NEK6: variants seen among roughly 807,000 people sequenced by gnomAD.
The protein encoded by NEK6 is NIMA related kinase 6.
In NEK6, 27 loss-of-function variants were observed where a neutral mutation model predicts 43.5. The observed-to-expected ratio is 0.62, with a 90% CI of 0.46 to 0.86. The LOEUF (loss-of-function observed/expected upper bound fraction) is 0.86, where lower values mean the gene tolerates loss of function less well. Ranked by LOEUF, NEK6 falls within the 40% of genes least tolerant of loss-of-function variation. The pLI, the probability that NEK6 is intolerant of heterozygous loss-of-function variation, is 0.00. For synonymous variants in NEK6, 167 were observed against 164.1 expected, an observed-to-expected ratio of 1.02 and a Z score of -0.14; for missense variants, 318 against 414.4, an observed-to-expected ratio of 0.77 and a Z score of 2.02.
In NEK6 at chr9:124,343,675, C is replaced by T. The variant is rs1011986207; in HGVS notation, c.717+4010C>T. On this transcript the variant is annotated intron_variant, in intron 8 of 9. Coordinates refer to ENST00000320246, the MANE Select transcript of NEK6 (RefSeq NM_014397.6). This position sits in a 1 kb window ranked among gnomAD's most constrained non-coding sequence, Gnocchi z 5.1. ...ACGCCCGGAGCCTCCCGCCCCACAG[C>T]CTGTGGTGTCTTCCAGGGGCACCAG... is the stretch of plus-strand genomic sequence containing the variant. 6.6e-6 allele frequency among the ~76,000 whole-genome samples: 1 copy of T among 152,232 alleles called. No homozygotes were observed. Among genetic ancestry groups the T allele is most frequent in the African/African-American group, 2.4e-5 (1 of 41,462 alleles).
In NEK6 at chr9:124,292,462, G is replaced by C. The variant is rs12682747; in HGVS notation, c.-29-9474G>C. 16 of 1,536,932 alleles carry C rather than the reference G, an allele frequency of 1.0e-5. No individual in the cohort carries two copies. In the African/African-American group the frequency reaches 1.9e-4, roughly 18 times the overall value. On this transcript the variant is annotated intron_variant, in intron 1 of 9. Transcript: ENST00000320246. ...TGCCTGTGGGAAGGAGAGAAAATTA[G>C]GGGAGGCCACGGGCTTGAAAGCTTT...
Position 124,324,516 on chromosome 9 carries a change from A to G in NEK6, c.406-1814A>G, listed in dbSNP as rs1405220934. ...CCGCTAAATGTCAGACAGCGCTTAT[A>G]GGACATGACATTTAGAAAATCACCA... On this transcript the variant is annotated intron_variant, in intron 5 of 9. Transcript: ENST00000320246. This position sits in a 1 kb window ranked among gnomAD's most constrained non-coding sequence, Gnocchi z 5.3. Among the ~76,000 whole-genome samples, 4 of 152,326 alleles carry G rather than the reference A, an allele frequency of 2.6e-5. No individual in the cohort carries two copies. The East Asian group carries it at 7.7e-4, about 29-fold the overall frequency.
intron 1 of NEK6, among the ~76,000 whole-genome samples, chr9:124,283,118 G>C (rs937279332): frequency 1.3e-5 from 2 of 152,230 alleles, no homozygotes; most frequent in Admixed American, 1.3e-4. Context: ...GAGTCCCAGA[G>C]CCCTGCTGAG....
intron 8 of NEK6, among the ~76,000 whole-genome samples, chr9:124,342,813 TC>T (rs1434324964): frequency 7.0e-6 from 1 of 143,628 alleles, no homozygotes; most frequent in Non-Finnish European, 1.5e-5. Context: ...CCATGGGCTC[TC>T]CACACATAAA....
At position 124,326,202 on chromosome 9, in the gene NEK6, T is replaced by TCTCCC; in HGVS notation, c.406-127_406-126insTCCCC. 2 of 124,052 alleles carry TCTCCC rather than the reference T, an allele frequency of 1.6e-5. No individual in the cohort carries two copies. The highest frequency in any genetic ancestry group is 2.0e-5 in the Non-Finnish European group (1 of 50,618). 7.7% of individuals were successfully genotyped at this position (124,052 alleles called of 1,614,324 possible). ...GCTTATTGTTTGCTCAGTGGCTCAA[T>TCTCCC]CCCCCCCCCCCGCCCCTGCCAGGCA... On this transcript the variant is annotated intron_variant, in intron 5 of 9. Transcript: ENST00000320246. The surrounding 1 kb of genome is among the most constrained non-coding windows in gnomAD (Gnocchi z 4.5).
intron 4 of NEK6, among the ~76,000 whole-genome samples, chr9:124,320,554 C>T (rs1236925332): frequency 2.0e-5 from 3 of 152,194 alleles, no homozygotes; most frequent in Non-Finnish European, 2.9e-5. Flanking sequence ...GCAGGATATT[C>T]GAGTCCCCTC....
Position 124,312,617 on chromosome 9 carries a change from G to A in NEK6, c.199G>A (p.Asp67Asn). 1 of 1,613,772 alleles carries A rather than the reference G, an allele frequency of 6.2e-7. No homozygotes were observed. Among genetic ancestry groups the A allele is most frequent in the Non-Finnish European group, 8.5e-7 (1 of 1,179,696 alleles). Reference protein sequence around the residue: ...SEVYKATCLLDRKTVALKKVQ... With the variant: ...SEVYKATCLLNRKTVALKKVQ... ...GGTGTACAAGGCCACCTGCCTGCTG[G>A]ACAGGAAGACAGTGGCTCTGAAGAA... The change falls in exon 3 of 10, where the codon GAC (aspartate) becomes AAC (asparagine). Residue 67 changes from aspartate (D) to asparagine (N), a missense_variant. Asp to Asn is a conservative substitution (Grantham distance 23, BLOSUM62 1). Coordinates refer to ENST00000320246, the MANE Select transcript of NEK6 (RefSeq NM_014397.6).
At chr9:124,271,074 G>A (rs1408566888) in intron 1 of NEK6, among the ~76,000 whole-genome samples, 1 of 152,248 alleles carries the variant, frequency 6.6e-6, no homozygotes, top group African/African-American at 2.4e-5. Context: ...TCTGCAGACT[G>A]CTGGCCCAGC....
intron 1 of NEK6, chr9:124,259,435 G>T (rs1239591844): frequency 6.6e-6 from 1 of 152,138 alleles, no homozygotes; most frequent in African/African-American, 2.4e-5. Context: ...AGCGAGTTTG[G>T]ACTCAGCGAG....
intron 8 of NEK6, among the ~76,000 whole-genome samples, chr9:124,344,549 G>T (rs1288478035): frequency 1.3e-5 from 2 of 152,238 alleles, no homozygotes; most frequent in South Asian, 4.1e-4. Flanking sequence ...AGGCGGTGGG[G>T]AGCCCCCGGT....
chr9:124,326,529 C>T lies in NEK6; in HGVS notation c.514+91C>T. ...TCCTCCAGGGTCCTCAGGGGCAGCC[C>T]CTTGAGGAAGTTGGACCGCTCTGTA... is the stretch of plus-strand genomic sequence containing the variant. On this transcript the variant is annotated intron_variant, in intron 6 of 9. Coordinates refer to ENST00000320246, the MANE Select transcript of NEK6 (RefSeq NM_014397.6). This position sits in a 1 kb window ranked among gnomAD's most constrained non-coding sequence, Gnocchi z 4.5. The T allele has an allele frequency of 1.0e-6, 1 of 971,896 alleles. No individual in the cohort carries two copies. Among genetic ancestry groups the T allele is most frequent in the Non-Finnish European group, 1.6e-6 (1 of 620,802 alleles). The allele number at this position is 971,896 out of a possible 1,614,324, so 60.2% of individuals were successfully genotyped here.
At position 124,294,645 on chromosome 9, in the gene NEK6, G is replaced by A. The variant is rs1832593797; in HGVS notation, c.-29-7291G>A. On this transcript the variant is annotated intron_variant, in intron 1 of 9. Transcript: ENST00000320246. Reference sequence around the variant, plus strand: ...AAGGACCAGGGTGCTGTGTTGCTGGGGAGGGGGACCGCTCATTTAATATGG... The same window carrying A: ...AAGGACCAGGGTGCTGTGTTGCTGGAGAGGGGGACCGCTCATTTAATATGG... 2.6e-5 allele frequency among the ~76,000 whole-genome samples: 4 copies of A among 152,184 alleles called. No homozygotes were observed. In the South Asian group the frequency reaches 8.3e-4, roughly 32 times the overall value.
intron 1 of NEK6, among the ~76,000 whole-genome samples, chr9:124,285,332 T>G (rs1240820266): frequency 6.6e-6 from 1 of 152,084 alleles, no homozygotes; most frequent in Non-Finnish European, 1.5e-5. Context: ...GAATAGATGT[T>G]TTTCTCACTC....
chr9:124,339,615 G>A lies in NEK6; in HGVS notation c.667G>A (p.Gly223Ser). Reference sequence around the variant, plus strand: ...GTCACCGGAGAGGATCCATGAGAACGGCTACAACTTCAAGTCCGACATCTG... The same window carrying A: ...GTCACCGGAGAGGATCCATGAGAACAGCTACAACTTCAAGTCCGACATCTG... ...YMSPERIHEN[G>S]YNFKSDIWSL... The change falls in exon 8 of 10, where the codon GGC becomes AGC. Residue 223 changes from glycine (G) to serine (S), a missense_variant. Coordinates refer to ENST00000320246, the MANE Select transcript of NEK6 (RefSeq NM_014397.6). 4 of 1,614,104 alleles carry A rather than the reference G, an allele frequency of 2.5e-6. No individual in the cohort carries two copies. Among genetic ancestry groups the A allele is most frequent in the South Asian group, 1.1e-5 (1 of 91,068 alleles).
intron 1 of NEK6, chr9:124,263,039 T>G (rs900664328): frequency 1.3e-5 from 2 of 152,194 alleles, no homozygotes; most frequent in Non-Finnish European, 1.5e-5. Flanking sequence ...GTATGGGAAT[T>G]AGTCCACAGG....
intron 7 of NEK6, among the ~76,000 whole-genome samples, chr9:124,332,642 A>G (rs1223420440): frequency 1.3e-5 from 2 of 152,226 alleles, no homozygotes; most frequent in Admixed American, 6.5e-5. Flanking sequence ...TGCAGACACC[A>G]GCCTCCCCTT....
At chr9:124,310,771 G>A (rs1193064062) in intron 2 of NEK6, among the ~76,000 whole-genome samples, 1 of 151,906 alleles carries the variant, frequency 6.6e-6, no homozygotes, top group African/African-American at 2.4e-5. Flanking sequence ...GCTAATTTTT[G>A]TGTTTTTACA....
intron 1 of NEK6, among the ~76,000 whole-genome samples, chr9:124,280,885 T>C (rs1243207931): frequency 6.6e-6 from 1 of 152,116 alleles, no homozygotes; most frequent in Non-Finnish European, 1.5e-5. Context: ...CTTGACTTCC[T>C]GGGCTCAAGG....
chr9:124,269,862 T>C (rs1441687037), intron 1 of NEK6, among the ~76,000 whole-genome samples: 1 of 152,194 alleles, frequency 6.6e-6, no homozygotes, highest in African/African-American at 2.4e-5. Flanking sequence ...ATAAGTGTCC[T>C]GTGGCCCCTG....
Sources: allele counts gnomAD v4.1 joint callset (sites outside exome capture counted in the v4.1 genomes callset), GRCh38; gene constraint gnomAD v4.1.1; non-coding constraint Gnocchi (gnomAD v3.1); transcripts MANE v1.5; gene names NCBI Gene and HGNC (gene_info 2026-07-23, HGNC 2026-07-21).